SLCO3A1: variants seen among roughly 807,000 people sequenced by gnomAD.
SLCO3A1 encodes the protein PGE1 transporter.
Under a neutral mutation model 63.1 loss-of-function variants are expected in SLCO3A1, and 27 were observed. The observed-to-expected ratio is 0.43, with a 90% CI of 0.32 to 0.59. SLCO3A1 has a LOEUF of 0.59. Among genes scored for constraint, SLCO3A1 ranks in the 20% least tolerant of loss-of-function variants. The pLI, the probability that SLCO3A1 is intolerant of heterozygous loss-of-function variation, is 0.09. For missense variants in SLCO3A1, 773 were observed against 945.8 expected, an observed-to-expected ratio of 0.82 and a Z score of 2.40; for synonymous variants, 473 against 409.9, an observed-to-expected ratio of 1.15 and a Z score of -1.86.
intron 7 of SLCO3A1, among the ~76,000 whole-genome samples, chr15:92,140,426 G>T (rs1186084849): frequency 6.6e-6 from 1 of 150,536 alleles, no homozygotes; most frequent in East Asian, 1.9e-4. Context: ...AATAGGTGTG[G>T]TGTGGTGCTG....
At chr15:92,078,557 A>G (rs944110902) in intron 2 of SLCO3A1, among the ~76,000 whole-genome samples, 3 of 152,062 alleles carry the variant, frequency 2.0e-5, no homozygotes, top group African/African-American at 7.2e-5. Flanking sequence ...TGTCTGCCTC[A>G]CATCTTGGGG....
At chr15:92,090,276 C>T (rs1221572169) in intron 2 of SLCO3A1, among the ~76,000 whole-genome samples, 1 of 152,224 alleles carries the variant, frequency 6.6e-6, no homozygotes, top group African/African-American at 2.4e-5. Flanking sequence ...AGTAGATTCA[C>T]ATGTCCAAGA....
At chr15:92,170,648 C>A (rs758320605), downstream of SLCO3A1, among the ~76,000 whole-genome samples, 2 of 152,170 alleles carry the variant, frequency 1.3e-5, no homozygotes, top group African/African-American at 4.8e-5. Flanking sequence ...TGTGGGAAAC[C>A]CCTAGCAGGA....
chr15:92,121,063 AGACATAACT>A (rs1241597492), intron 5 of SLCO3A1, among the ~76,000 whole-genome samples: 38 of 152,206 alleles, frequency 2.5e-4, no homozygotes, highest in Non-Finnish European at 7.3e-5. Context: ...TGCCCACAAC[AGACATAACT>A]AATGGATCAT....
chr15:91,931,220 T>C (rs1188670779), intron 2 of SLCO3A1, among the ~76,000 whole-genome samples: 1 of 152,170 alleles, frequency 6.6e-6, no homozygotes, highest in Non-Finnish European at 1.5e-5. Context: ...TTTTCATAGG[T>C]GTCAAATGCT....
intron 3 of SLCO3A1, among the ~76,000 whole-genome samples, chr15:92,098,629 C>G (rs577901850): frequency 6.6e-6 from 1 of 152,310 alleles, no homozygotes; most frequent in African/African-American, 2.4e-5. Flanking sequence ...TTGGTCACTT[C>G]TTAAAGCTAT....
At chr15:92,116,910 C>T (rs1490543870) in intron 4 of SLCO3A1, among the ~76,000 whole-genome samples, 1 of 152,168 alleles carries the variant, frequency 6.6e-6, no homozygotes, top group African/African-American at 2.4e-5. Flanking sequence ...AAAGAATGTT[C>T]TTCATGCAAA....
rs533283057 is a variant in SLCO3A1 at position 91,954,836 on chromosome 15, G to GC, written c.646+38384dup. ...TGGCCTAGACACCATACCCTGAACCGCCCCCCGTGGTCTCCCGCTGCTTTC... is the reference window on the plus strand; with the variant it reads ...TGGCCTAGACACCATACCCTGAACCGCCCCCCCGTGGTCTCCCGCTGCTTTC... On this transcript the variant is annotated intron_variant, in intron 2 of 9. Transcript: ENST00000318445. This position sits in a 1 kb window ranked among gnomAD's most constrained non-coding sequence, Gnocchi z 4.7. 6.6e-6 allele frequency among the ~76,000 whole-genome samples: 1 copy of GC among 152,012 alleles called. No individual in the cohort carries two copies. The highest frequency in any genetic ancestry group is 1.5e-5 in the Non-Finnish European group (1 of 68,002).
At chr15:91,877,266 C>T (rs1320665530) in intron 1 of SLCO3A1, among the ~76,000 whole-genome samples, 2 of 152,066 alleles carry the variant, frequency 1.3e-5, no homozygotes, top group Non-Finnish European at 2.9e-5. Flanking sequence ...TGGCTGTTCT[C>T]CTTGTATATA....
chr15:92,013,072 G>A lies in SLCO3A1; in HGVS notation c.647-81809G>A, dbSNP rs1393580024. ...AGGCTTCAGCTTCCAGAGAGAGGGA[G>A]ACTGACATCTCCACTGGACTAGAAG... On this transcript the variant is annotated intron_variant, in intron 2 of 9. Coordinates refer to ENST00000318445, the MANE Select transcript of SLCO3A1 (RefSeq NM_013272.4). 2.0e-5 allele frequency among the ~76,000 whole-genome samples: 3 copies of A among 152,208 alleles called. No individual in the cohort carries two copies. In the East Asian group the frequency reaches 5.8e-4, roughly 29 times the overall value.
intron 2 of SLCO3A1, among the ~76,000 whole-genome samples, chr15:91,952,503 T>G (rs1900033471): frequency 6.6e-6 from 1 of 152,172 alleles, no homozygotes; most frequent in Non-Finnish European, 1.5e-5. Flanking sequence ...TGCCACCTTT[T>G]GAGAGTAAAA....
At chr15:91,947,178 T>C (rs777002571) in intron 2 of SLCO3A1, among the ~76,000 whole-genome samples, 12 of 152,216 alleles carry the variant, frequency 7.9e-5, no homozygotes, top group Non-Finnish European at 1.5e-4. Context: ...GAAATATCCA[T>C]GCTTGCCCCT....
intron 2 of SLCO3A1, among the ~76,000 whole-genome samples, chr15:91,994,955 C>A (rs910495957): frequency 6.6e-6 from 1 of 152,202 alleles, no homozygotes; most frequent in Non-Finnish European, 1.5e-5. Context: ...GAAGGAGACT[C>A]CTGTCTGGGA....
intron 2 of SLCO3A1, among the ~76,000 whole-genome samples, chr15:91,945,537 G>A (rs998384646): frequency 2.0e-5 from 3 of 152,210 alleles, no homozygotes; most frequent in African/African-American, 7.2e-5. Context: ...ACCGAAGGCA[G>A]CAAGGACAGC....
intron 1 of SLCO3A1, among the ~76,000 whole-genome samples, chr15:91,884,438 G>T (rs979225451): frequency 6.0e-5 from 9 of 151,080 alleles, no homozygotes; most frequent in African/African-American, 2.2e-4. Flanking sequence ...TTGAACCTGG[G>T]AGGTGGAAGG....
intron 2 of SLCO3A1, among the ~76,000 whole-genome samples, chr15:92,035,185 T>C (rs1346753306): frequency 6.6e-6 from 1 of 151,852 alleles, no homozygotes; most frequent in African/African-American, 2.4e-5. Flanking sequence ...TTTTTCCAGG[T>C]GGCCTCATGA....
At position 92,060,098 on chromosome 15, in the gene SLCO3A1, C is replaced by T. The variant is rs566899824; in HGVS notation, c.647-34783C>T. ...ACAGCATAAAAGATAAACAGTGGTA[C>T]ACCTATAGAGGGCACTTACCATGAA... On this transcript the variant is annotated intron_variant, in intron 2 of 9. Transcript: ENST00000318445. Among the ~76,000 whole-genome samples, 7 of 152,230 alleles carry T rather than the reference C, an allele frequency of 4.6e-5. No individual in the cohort carries two copies. The East Asian group carries it at 1.4e-3, about 29-fold the overall frequency.
chr15:92,107,771 T>G (rs1234496158), intron 4 of SLCO3A1, among the ~76,000 whole-genome samples: 1 of 152,210 alleles, frequency 6.6e-6, no homozygotes, highest in Non-Finnish European at 1.5e-5. Flanking sequence ...TCTCTGGAAC[T>G]TAGAGTCTTC....
chr15:91,985,488 G>A (rs1257438870), intron 2 of SLCO3A1, among the ~76,000 whole-genome samples: 1 of 152,228 alleles, frequency 6.6e-6, no homozygotes, highest in Non-Finnish European at 1.5e-5. Context: ...GCACCTAGGA[G>A]TGGAATTGCT....
Sources: allele counts gnomAD v4.1 joint callset (sites outside exome capture counted in the v4.1 genomes callset), GRCh38; gene constraint gnomAD v4.1.1; non-coding constraint Gnocchi (gnomAD v3.1); transcripts MANE v1.5; gene names NCBI Gene and HGNC (gene_info 2026-07-23, HGNC 2026-07-21).